Variants in ECI2 observed in about 807,000 individuals in gnomAD.
ECI2 encodes the protein enoyl-CoA delta isomerase 2.
Under a neutral mutation model 38.4 loss-of-function variants are expected in ECI2, and 27 were observed. That is an observed-to-expected ratio of 0.70 (90% CI 0.52 to 0.97). The LOEUF is 0.97. Ranked by LOEUF, ECI2 falls within the 50% of genes least tolerant of loss-of-function variation. The pLI, the probability that ECI2 is intolerant of heterozygous loss-of-function variation, is 0.00. For synonymous variants in ECI2, 168 were observed against 172.0 expected (o/e 0.98, Z 0.18); for missense variants, 470 against 474.4 (o/e 0.99, Z 0.09).
At chr6:4,117,695 A>C (rs554988683) in intron 8 of ECI2, 242 of 399,224 alleles carry the variant, frequency 6.1e-4, no homozygotes, top group Non-Finnish European at 9.7e-4. Context: ...GGGCAAGATC[A>C]GGGGGTCCAG....
chr6:4,132,954 A>T (rs1443342994), intron 2 of ECI2, among the ~76,000 whole-genome samples: 1 of 151,976 alleles, frequency 6.6e-6, no homozygotes, highest in Non-Finnish European at 1.5e-5. Context: ...AGTAGAGATG[A>T]GGTTTCACCA....
At chr6:4,132,314 T>G (rs1452593472) in intron 2 of ECI2, among the ~76,000 whole-genome samples, 1 of 151,948 alleles carries the variant, frequency 6.6e-6, no homozygotes, top group South Asian at 2.1e-4. Context: ...CAACCAGAGA[T>G]GCTCAGCTCA....
chr6:4,130,324 A>G, intron 4 of ECI2, 48 bp downstream of exon 4: 1 of 1,614,010 alleles, frequency 6.2e-7, no homozygotes, highest in Non-Finnish European at 8.5e-7. Flanking sequence ...TGAAACACAT[A>G]GAAGAAGAAA....
intron 1 of ECI2, chr6:4,133,912 G>A (rs1773609381): frequency 6.1e-6 from 3 of 494,402 alleles, no homozygotes; most frequent in Non-Finnish European, 9.8e-6. Flanking sequence ...GCTAACAGTA[G>A]TAACTTTAAA....
At chr6:4,132,752 A>C (rs902547493) in intron 2 of ECI2, among the ~76,000 whole-genome samples, 1 of 151,930 alleles carries the variant, frequency 6.6e-6, no homozygotes, top group Non-Finnish European at 1.5e-5. Flanking sequence ...TACTTGCTTC[A>C]TCTCTCTCTC....
intron 7 of ECI2, among the ~76,000 whole-genome samples, chr6:4,123,079 TATG>T (rs948523486): frequency 1.3e-5 from 2 of 152,238 alleles, no homozygotes; most frequent in East Asian, 1.9e-4. Context: ...CATCATTTAA[TATG>T]ATATTTATTC....
chr6:4,116,530 T>C (rs1772286140), intron 9 of ECI2, among the ~76,000 whole-genome samples: 2 of 149,540 alleles, frequency 1.3e-5, no homozygotes, highest in Admixed American at 1.3e-4. Context: ...AACCTCTGCC[T>C]CCCGGGTTCA....
At chr6:4,130,943 G>A in intron 2 of ECI2, 78 bp from the exon 3 acceptor site, 2 of 1,359,646 alleles carry the variant, frequency 1.5e-6, no homozygotes, top group Non-Finnish European at 2.1e-6. Context: ...CATAAAATCT[G>A]TAAGTACATG....
chr6:4,122,091 T>C, intron 7 of ECI2: 1 of 1,217,302 alleles, frequency 8.2e-7, no homozygotes, highest in Non-Finnish European at 1.2e-6. Flanking sequence ...ATGCTGATTT[T>C]CAGAAAGAGA....
chr6:4,126,304 G>T, intron 5 of ECI2, 67 bp from the exon 6 acceptor site: 3 of 1,353,976 alleles, frequency 2.2e-6, no homozygotes, highest in Non-Finnish European at 3.1e-6. Flanking sequence ...TCTACTGCAT[G>T]CCAAACTCTA....
chr6:4,133,481 A>G (rs1426392996), intron 2 of ECI2, 68 bp downstream of exon 2: 1 of 1,530,806 alleles, frequency 6.5e-7, no homozygotes, highest in African/African-American at 1.4e-5. Context: ...TAGTAAACAC[A>G]CAGTGTATTT....
chr6:4,130,956 T>C (rs1369661020), intron 2 of ECI2, 91 bp from the exon 3 acceptor site: 6 of 1,204,720 alleles, frequency 5.0e-6, no homozygotes, highest in Non-Finnish European at 7.1e-6. Context: ...AGTACATGAA[T>C]GCCTCCCCCA....
At chr6:4,130,725 T>G in intron 3 of ECI2, 42 bp downstream of exon 3, 4 of 1,610,190 alleles carry the variant, frequency 2.5e-6, no homozygotes, top group Non-Finnish European at 3.4e-6. Flanking sequence ...CAAACTTCTT[T>G]AGAAGTACAG....
chr6:4,121,005 G>A (rs1306212934), intron 7 of ECI2, among the ~76,000 whole-genome samples: 2 of 152,210 alleles, frequency 1.3e-5, no homozygotes, highest in Non-Finnish European at 1.5e-5. Context: ...TGTGGTAAAT[G>A]TATATTTAGC....
At chr6:4,122,179 T>TA (rs1772838270) in intron 7 of ECI2, 1 of 448,414 alleles carries the variant, frequency 2.2e-6, no homozygotes, top group Non-Finnish European at 4.1e-6. Context: ...ACCCTCTCTG[T>TA]ACCACAGTTT....
Position 4,127,817 on chromosome 6 carries a change from A to G in ECI2, c.516T>C (p.Ile172=), listed in dbSNP as rs766728710. Residue 172 remains isoleucine (I), a synonymous_variant, in exon 5 of 10, where the codon ATT becomes ATC. Transcript: ENST00000380118. ...TGCTGGCAGCTTTAAGTGCACGCATAATTTCATGATACATCTGTGTAATGG... is the reference window on the plus strand; with the variant it reads ...TGCTGGCAGCTTTAAGTGCACGCATGATTTCATGATACATCTGTGTAATGG... ...NAINTEMYHE[I]MRALKAASKD... is the part of the protein sequence containing the mutation. 4 of 1,613,064 alleles carry G rather than the reference A, an allele frequency of 2.5e-6. No individual in the cohort carries two copies. The highest frequency in any genetic ancestry group is 2.2e-5 in the South Asian group (2 of 90,904).
intron 1 of ECI2, among the ~76,000 whole-genome samples, chr6:4,134,431 C>G (rs1379596460): frequency 6.6e-6 from 1 of 152,138 alleles, no homozygotes; most frequent in Admixed American, 6.5e-5. Context: ...GTGATCAGCA[C>G]GTTTTTAAGC....
chr6:4,126,718 G>C (rs1189566870), intron 5 of ECI2, among the ~76,000 whole-genome samples: 1 of 152,172 alleles, frequency 6.6e-6, no homozygotes, highest in Non-Finnish European at 1.5e-5. Context: ...GATGAGGACT[G>C]GCAGAATAGA....
chr6:4,131,039 C>T (rs972004324), intron 2 of ECI2, 174 bp from the exon 3 acceptor site: 49 of 515,912 alleles, frequency 9.5e-5, no homozygotes, highest in Non-Finnish European at 1.5e-4. Flanking sequence ...GCCAAAAATG[C>T]ACAAACAGAA....
Sources: gnomAD v4.1 joint callset for allele counts (sites outside exome capture counted in the v4.1 genomes callset) on GRCh38, gnomAD v4.1.1 for gene constraint, MANE v1.5 for transcripts, NCBI Gene and HGNC (gene_info 2026-07-23, HGNC 2026-07-21) for gene names.